The following HDAC4 variants were observed in gnomAD, a reference collection of about 807,000 sequenced individuals.
The protein encoded by HDAC4 is histone deacetylase 4, also known as histone deacetylase A.
In HDAC4, 16 loss-of-function variants were observed where a neutral mutation model predicts 135.1. The ratio of observed to expected loss-of-function variants is 0.12; its 90% CI spans 0.08 to 0.18. HDAC4 has a LOEUF of 0.18. Among genes scored for constraint, HDAC4 ranks in the 10% least tolerant of loss-of-function variants. HDAC4 has a pLI of 1.00. For synonymous variants in HDAC4, 685 were observed against 653.4 expected (o/e 1.05, Z -0.74); for missense variants, 1,143 against 1,511.8 (o/e 0.76, Z 4.05).
intron 2 of HDAC4, among the ~76,000 whole-genome samples, chr2:239,264,776 G>A (rs2049613153): frequency 6.6e-6 from 1 of 152,238 alleles, no homozygotes. Context: ...GCAGGTCCCA[G>A]GGTGTAAACA....
intron 1 of HDAC4, among the ~76,000 whole-genome samples, chr2:239,384,400 G>T (rs1230888521): frequency 2.1e-5 from 3 of 144,480 alleles, no homozygotes; most frequent in Non-Finnish European, 3.0e-5. Flanking sequence ...GATCCCTTGA[G>T]ACCAGGAGCT....
At chr2:239,203,386 T>C (rs2045872637) in intron 3 of HDAC4, among the ~76,000 whole-genome samples, 1 of 152,178 alleles carries the variant, frequency 6.6e-6, no homozygotes, top group African/African-American at 2.4e-5. Context: ...GTGCTCAGAT[T>C]TAGAAAATTC....
intron 1 of HDAC4, among the ~76,000 whole-genome samples, chr2:239,367,149 G>A (rs1253331149): frequency 6.6e-6 from 1 of 152,104 alleles, no homozygotes; most frequent in Non-Finnish European, 1.5e-5. Context: ...GGTCCCAGAG[G>A]GTCCCCGAGA....
In HDAC4 at chr2:239,400,450, C is replaced by A. The variant is rs1300600497; in HGVS notation, c.-220+528G>T. The A allele has an allele frequency of 2.7e-5, 4 of 146,344 alleles. No individual in the cohort carries two copies. The highest frequency in any genetic ancestry group is 9.8e-5 in the African/African-American group (4 of 40,856). 9.1% of individuals were successfully genotyped at this position (146,344 alleles called of 1,614,324 possible). A position where few individuals can be genotyped will look rare whatever the true frequency, so the allele number is the denominator to read the frequency against. Reference sequence around the variant, plus strand: ...CCGTGCCCACCCCCGCGCCCCCGCCCCGGCGGGCGAAGCCGCCTCGCGGCG... The same window carrying A: ...CCGTGCCCACCCCCGCGCCCCCGCCACGGCGGGCGAAGCCGCCTCGCGGCG... On this transcript the variant is annotated intron_variant, in intron 1 of 26. Transcript: ENST00000543185. This position sits in a 1 kb window ranked among gnomAD's most constrained non-coding sequence, Gnocchi z 4.7.
At chr2:239,119,456 G>A (rs763122196) in intron 12 of HDAC4, among the ~76,000 whole-genome samples, 7 of 152,184 alleles carry the variant, frequency 4.6e-5, no homozygotes, top group Non-Finnish European at 1.0e-4. Context: ...AGGACATGGG[G>A]ACAGGAGCTC....
chr2:239,326,925 AC>A (rs1302087635), intron 2 of HDAC4, among the ~76,000 whole-genome samples: 28 of 152,294 alleles, frequency 1.8e-4, no homozygotes, highest in African/African-American at 6.7e-4. Flanking sequence ...CCCCTGTCAT[AC>A]TGCTAAAGAG....
chr2:239,111,490 G>A (rs368029225), intron 14 of HDAC4, 36 bp downstream of exon 14: 25 of 1,588,316 alleles, frequency 1.6e-5, no homozygotes, highest in South Asian at 2.3e-5. Flanking sequence ...TGTGGCCCGC[G>A]TTGCACCCTC....
chr2:239,172,132 TA>T (rs1258826968), intron 5 of HDAC4, among the ~76,000 whole-genome samples: 3 of 152,022 alleles, frequency 2.0e-5, no homozygotes, highest in Non-Finnish European at 2.9e-5. Context: ...GTCAAAATAG[TA>T]TATAAATTAA....
chr2:239,150,088 C>T (rs1217331179), intron 7 of HDAC4, among the ~76,000 whole-genome samples: 5 of 151,844 alleles, frequency 3.3e-5, no homozygotes, highest in Admixed American at 6.6e-5. Flanking sequence ...GAGCTTCATA[C>T]GTAAAAATGG....
At chr2:239,077,711 C>T (rs536787805) in intron 22 of HDAC4, among the ~76,000 whole-genome samples, 35 of 152,188 alleles carry the variant, frequency 2.3e-4, no homozygotes, top group Non-Finnish European at 4.6e-4. Context: ...CAGGGACCAG[C>T]GTGGTGTGTG....
At chr2:239,164,889 C>CT (rs1411927790) in intron 5 of HDAC4, among the ~76,000 whole-genome samples, 1 of 152,188 alleles carries the variant, frequency 6.6e-6, no homozygotes, top group Non-Finnish European at 1.5e-5. Flanking sequence ...ACTTACTATT[C>CT]TAACCCTCGG....
At chr2:239,108,489 A>G (rs1002970892) in intron 14 of HDAC4, among the ~76,000 whole-genome samples, 2 of 152,114 alleles carry the variant, frequency 1.3e-5, no homozygotes, top group African/African-American at 4.8e-5. Context: ...AGGAGAAAAC[A>G]GTGATGAGGA....
At chr2:239,079,339 G>GATGAGGA (rs1180667316) in intron 22 of HDAC4, among the ~76,000 whole-genome samples, 6 of 152,352 alleles carry the variant, frequency 3.9e-5, no homozygotes, top group Admixed American at 1.3e-4. Context: ...GATCAGGGCA[G>GATGAGGA]GTCCACTGAG....
chr2:239,051,179 G>A lies in HDAC4; in HGVS notation c.*1918C>T, dbSNP rs1336699323. 6.6e-6 allele frequency: 1 copy of A among 152,548 alleles called. No homozygotes were observed. The highest frequency in any genetic ancestry group is 2.1e-4 in the South Asian group (1 of 4,834). 9.4% of individuals were successfully genotyped at this position (152,548 alleles called of 1,614,324 possible). A position where few individuals can be genotyped will look rare whatever the true frequency, so the allele number is the denominator to read the frequency against. On this transcript the variant is annotated 3_prime_UTR_variant, in exon 27 of 27. Coordinates refer to ENST00000543185, the MANE Select transcript of HDAC4 (RefSeq NM_001378414.1). ...AACCCTCCCTGCCCTTGCCACGGAG[G>A]GGAAAAACACACCACCCCTCGTAAT...
rs1221602454 is a variant in HDAC4 at position 239,285,561 on chromosome 2, A to G, written c.23-48897T>C. Among the ~76,000 whole-genome samples the G allele has an allele frequency of 6.6e-6, 1 of 152,212 alleles. No homozygotes were observed. ...AGCTGGGTAAAAGGGGCTGAGAGAA[A>G]GCTGGCCAAAGGTTGGGCTTTTGAA... On this transcript the variant is annotated intron_variant, in intron 2 of 26. Coordinates refer to ENST00000543185, the MANE Select transcript of HDAC4 (RefSeq NM_001378414.1). The surrounding 1 kb of genome is among the most constrained non-coding windows in gnomAD (Gnocchi z 4.5).
At chr2:239,198,832 T>G (rs181361258) in intron 3 of HDAC4, among the ~76,000 whole-genome samples, 1 of 152,246 alleles carries the variant, frequency 6.6e-6, no homozygotes, top group East Asian at 1.9e-4. Flanking sequence ...AAGAATAGTG[T>G]AATCAAGCCG....
rs2035622782 is a variant in HDAC4, at chr2:239,084,091, G to C, written c.2532+64C>G. 3 of 1,149,870 alleles carry C rather than the reference G, an allele frequency of 2.6e-6. No individual in the cohort carries two copies. The South Asian group carries it at 3.9e-5, about 15-fold the overall frequency. 71.2% of individuals were successfully genotyped at this position (1,149,870 alleles called of 1,614,324 possible). A position where few individuals can be genotyped will look rare whatever the true frequency, so the allele number is the denominator to read the frequency against. On this transcript the variant is annotated intron_variant, in intron 20 of 26. Transcript: ENST00000543185. ...AGCCCAGCTCCTCTGTCCACACGCTGCTGTCCGCTCGGGGACGGCAAAGGA... is the reference window on the plus strand; with the variant it reads ...AGCCCAGCTCCTCTGTCCACACGCTCCTGTCCGCTCGGGGACGGCAAAGGA...
intron 2 of HDAC4, among the ~76,000 whole-genome samples, chr2:239,256,834 A>C (rs1048581640): frequency 6.6e-6 from 1 of 152,204 alleles, no homozygotes; most frequent in Admixed American, 6.5e-5. Flanking sequence ...GAGTACCTGG[A>C]AACAGTTTGA....
At chr2:239,334,247 C>T (rs1348079123) in intron 2 of HDAC4, among the ~76,000 whole-genome samples, 2 of 152,096 alleles carry the variant, frequency 1.3e-5, no homozygotes, top group Non-Finnish European at 1.5e-5. Context: ...AGGCCAGGCA[C>T]GGTGGCTCAT....
Sources: gnomAD v4.1 joint callset for allele counts (sites outside exome capture counted in the v4.1 genomes callset) on GRCh38, gnomAD v4.1.1 for gene constraint, Gnocchi (gnomAD v3.1) non-coding constraint, MANE v1.5 for transcripts, NCBI Gene and HGNC (gene_info 2026-07-23, HGNC 2026-07-21) for gene names.